PATJ: variants seen among roughly 807,000 people sequenced by gnomAD.
PATJ encodes inaD-like protein.
Under a neutral mutation model 224.9 loss-of-function variants are expected in PATJ, and 190 were observed. The ratio of observed to expected loss-of-function variants is 0.84; its 90% confidence interval spans 0.75 to 0.95. PATJ has a LOEUF of 0.95. Ranked by LOEUF, PATJ falls within the 40% of genes least tolerant of loss-of-function variation. PATJ has a pLI of 0.00. For synonymous variants in PATJ, 769 were observed against 820.3 expected (o/e 0.94, Z 1.07); for missense variants, 2,121 against 2,270.3 (o/e 0.93, Z 1.34).
At chr1:62,033,174 T>C in intron 29 of PATJ, among the ~76,000 whole-genome samples, 1 of 152,194 alleles carries the variant, frequency 6.6e-6, no homozygotes, top group Admixed American at 6.5e-5. Context: ...ATTGCTAATA[T>C]CATCAAAGGC....
At chr1:62,068,577 GTGTCCACCCT>G (rs1656870728) in intron 31 of PATJ, among the ~76,000 whole-genome samples, 1 of 152,214 alleles carries the variant, frequency 6.6e-6, no homozygotes, top group Non-Finnish European at 1.5e-5. Flanking sequence ...TGTGGTTCAA[GTGTCCACCCT>G]TGGACCAGTT....
At chr1:62,071,987 T>C (rs1023395019) in intron 31 of PATJ, among the ~76,000 whole-genome samples, 5 of 152,170 alleles carry the variant, frequency 3.3e-5, no homozygotes, top group Non-Finnish European at 7.4e-5. Flanking sequence ...GTCTCTCCTG[T>C]TCCCTGCTTT....
At chr1:61,872,939 A>G (rs1407282176) in intron 20 of PATJ, among the ~76,000 whole-genome samples, 1 of 152,170 alleles carries the variant, frequency 6.6e-6, no homozygotes, top group African/African-American at 2.4e-5. Context: ...TACTTTGCAA[A>G]GCTGGAAGTA....
intron 28 of PATJ, among the ~76,000 whole-genome samples, chr1:62,003,530 G>A (rs1290913141): frequency 1.3e-5 from 2 of 152,154 alleles, no homozygotes; most frequent in African/African-American, 4.8e-5. Context: ...AGATTAAATT[G>A]CAGCTGTGGA....
chr1:61,894,450 G>C (rs1670080665), intron 22 of PATJ, among the ~76,000 whole-genome samples: 1 of 152,096 alleles, frequency 6.6e-6, no homozygotes, highest in African/African-American at 2.4e-5. Flanking sequence ...GGAGGTGATT[G>C]GATCGTGGGG....
intron 29 of PATJ, among the ~76,000 whole-genome samples, chr1:62,023,161 G>A (rs1356265710): frequency 6.6e-6 from 1 of 152,004 alleles, no homozygotes; most frequent in Non-Finnish European, 1.5e-5. Flanking sequence ...GTGGTGGCGG[G>A]TGCCTGTAAT....
intron 28 of PATJ, 75 bp from the exon 29 acceptor site, chr1:62,017,781 T>C (rs1646868824): frequency 1.4e-6 from 1 of 698,696 alleles, no homozygotes; most frequent in East Asian, 2.8e-5. Flanking sequence ...GTAGACTTTA[T>C]CATTTAATTC....
intron 33 of PATJ, among the ~76,000 whole-genome samples, chr1:62,085,300 C>A (rs1162028006): frequency 6.6e-6 from 1 of 151,152 alleles, no homozygotes; most frequent in African/African-American, 2.4e-5. Flanking sequence ...TGTAGTGAAC[C>A]GTGATCATGC....
chr1:62,108,966 G>T (rs1023876202), intron 34 of PATJ, among the ~76,000 whole-genome samples: 3 of 152,142 alleles, frequency 2.0e-5, no homozygotes, highest in Admixed American at 2.0e-4. Context: ...GGAAGTTCAT[G>T]CCTTGCCACC....
At chr1:61,818,833 C>G (rs1656696180) in intron 14 of PATJ, among the ~76,000 whole-genome samples, 1 of 152,170 alleles carries the variant, frequency 6.6e-6, no homozygotes, top group Admixed American at 6.5e-5. Context: ...CTGACTCCAG[C>G]TGTTCCATGG....
chr1:61,745,873 G>GT (rs1644997852), intron 1 of PATJ, among the ~76,000 whole-genome samples: 2 of 151,760 alleles, frequency 1.3e-5, no homozygotes, highest in African/African-American at 4.8e-5. Context: ...CAAAGTGCTG[G>GT]GATTACAGGC....
At chr1:61,886,033 G>A (rs970516168) in intron 22 of PATJ, among the ~76,000 whole-genome samples, 5 of 151,890 alleles carry the variant, frequency 3.3e-5, no homozygotes, top group African/African-American at 1.2e-4. Context: ...GTTGTGGGGT[G>A]GGGGGATGGG....
chr1:61,932,315 T>C (rs777858268), intron 27 of PATJ, among the ~76,000 whole-genome samples: 5 of 152,162 alleles, frequency 3.3e-5, no homozygotes, highest in South Asian at 2.1e-4. Context: ...AAACCACTGA[T>C]CGAAATGGTC....
intron 17 of PATJ, among the ~76,000 whole-genome samples, chr1:61,834,868 A>G (rs1404433404): frequency 6.6e-6 from 1 of 152,060 alleles, no homozygotes. Context: ...AGCTGAGACT[A>G]CAGGCGCCTA....
chr1:61,936,984 A>G (rs902389651), intron 27 of PATJ, among the ~76,000 whole-genome samples: 17 of 152,326 alleles, frequency 1.1e-4, no homozygotes, highest in Non-Finnish European at 2.1e-4. Context: ...ATCCAGGAAC[A>G]ATGCAATTCG....
intron 21 of PATJ, among the ~76,000 whole-genome samples, chr1:61,878,396 A>G (rs1318150597): frequency 6.6e-6 from 1 of 152,210 alleles, no homozygotes; most frequent in East Asian, 1.9e-4. Context: ...CCACCTGAGC[A>G]TGACAGTATT....
chr1:61,876,144 G>A (rs1470095913), intron 21 of PATJ, among the ~76,000 whole-genome samples: 1 of 152,108 alleles, frequency 6.6e-6, no homozygotes, highest in East Asian at 1.9e-4. Flanking sequence ...AGTTTTATAT[G>A]AGATTAGGAT....
At chr1:62,128,550 G>T in intron 40 of PATJ, 2 of 370,298 alleles carry the variant, frequency 5.4e-6, no homozygotes, top group Non-Finnish European at 1.0e-5. Flanking sequence ...TGTACACTTC[G>T]CTTTTACTGG....
rs1658495062 is a variant in PATJ, at chr1:61,827,564, C to T, written c.1961C>T (p.Thr654Ile). The T allele has an allele frequency of 3.1e-6, 5 of 1,613,746 alleles. No homozygotes were observed. Among genetic ancestry groups the T allele is most frequent in the South Asian group, 2.2e-5 (2 of 91,022 alleles). The stretch of plus-strand genomic sequence containing the variant: ...GTAGATGAACCAAGGCGCACTGAAA[C>T]CTCTCTTCCTGAGACAGAGGTACTA... ...ASVDEPRRTE[T>I]SLPETEVDHN... The change falls in exon 16 of 44, where the codon ACC (threonine) becomes ATC (isoleucine). Residue 654 changes from threonine (T) to isoleucine (I), a missense_variant. By Grantham distance (89) the Thr-to-Ile change is moderately conservative. Coordinates refer to ENST00000642238, the MANE Select transcript of PATJ (RefSeq NM_001350145.3).
Sources: allele counts gnomAD v4.1 joint callset (sites outside exome capture counted in the v4.1 genomes callset), GRCh38; gene constraint gnomAD v4.1.1; transcripts MANE v1.5; gene names NCBI Gene and HGNC (gene_info 2026-07-23, HGNC 2026-07-21).